Variants in SLMAP observed in about 807,000 individuals in gnomAD.
SLMAP encodes the protein sarcolemmal membrane-associated protein.
Under a neutral mutation model 128.8 loss-of-function variants are expected in SLMAP, and 44 were observed. The observed-to-expected ratio is 0.34, with a 90% CI of 0.27 to 0.44. SLMAP has a LOEUF of 0.44. SLMAP is among the 20% of genes least tolerant of loss of function. The pLI, the probability that SLMAP is intolerant of heterozygous loss-of-function variation, is 1.00. For missense variants in SLMAP, 787 were observed against 985.3 expected (o/e 0.80, Z 2.69); for synonymous variants, 327 against 348.8 (o/e 0.94, Z 0.70).
chr3:57,831,534 C>G lies in SLMAP; in HGVS notation c.346+4C>G, dbSNP rs201859602. ...GTGACAGAGAATACACGGAAAGGTA[C>G]GGGTATGGATCACTTTTTTTATTAC... On this transcript the variant is annotated splice_donor_region_variant and intron_variant, in intron 3 of 24. Coordinates refer to ENST00000671191, the MANE Select transcript of SLMAP (RefSeq NM_001377540.1). 2 of 1,502,688 alleles carry G rather than the reference C, an allele frequency of 1.3e-6. No homozygotes were observed. Among genetic ancestry groups the G allele is most frequent in the Non-Finnish European group, 1.8e-6 (2 of 1,120,972 alleles). The allele number at this position is 1,502,688 out of a possible 1,614,324, so 93.1% of individuals were successfully genotyped here.
intron 14 of SLMAP, among the ~76,000 whole-genome samples, chr3:57,877,214 T>C (rs1414920273): frequency 1.3e-5 from 2 of 152,330 alleles, no homozygotes; most frequent in Admixed American, 1.3e-4. Context: ...GGAAAAATTA[T>C]AGTCACTATC....
At chr3:57,804,530 G>A (rs2089374078) in intron 2 of SLMAP, among the ~76,000 whole-genome samples, 1 of 152,188 alleles carries the variant, frequency 6.6e-6, no homozygotes. Flanking sequence ...GGTCACTTGA[G>A]CCTAGGAGTT....
At chr3:57,758,604 A>G (rs1260443117) in intron 2 of SLMAP, among the ~76,000 whole-genome samples, 1 of 152,208 alleles carries the variant, frequency 6.6e-6, no homozygotes, top group Non-Finnish European at 1.5e-5. Context: ...ATTATACCCT[A>G]TTCTGTCAAT....
rs370947107 is a variant in SLMAP at position 57,921,620 on chromosome 3, C to T, written c.2311-1269C>T. Among the ~76,000 whole-genome samples the T allele has an allele frequency of 9.9e-5, 15 of 152,142 alleles. No homozygotes were observed. In the East Asian group the frequency reaches 1.5e-3, roughly 16 times the overall value. ...CAGCCTGGGTGACAGAGCTAGACTC[C>T]GTCTCAAAAAATAAACAAATAAAAT... On this transcript the variant is annotated intron_variant, in intron 22 of 24. Transcript: ENST00000671191.
At chr3:57,775,223 T>G (rs2081602051) in intron 2 of SLMAP, among the ~76,000 whole-genome samples, 1 of 151,818 alleles carries the variant, frequency 6.6e-6, no homozygotes. Context: ...CCGGCTAATT[T>G]TTTTGTATTT....
At chr3:57,883,937 C>CT (rs56691913) in intron 14 of SLMAP, among the ~76,000 whole-genome samples, 3,981 of 126,506 alleles carry the variant, frequency 0.031, 90 homozygotes, top group Admixed American at 0.046. Context: ...TCTTTTCTTT[C>CT]TTTTTTTTTT....
Position 57,816,127 on chromosome 3 carries a change from GTGTTTGTT to G in SLMAP, c.199-15230_199-15223del, listed in dbSNP as rs554703436. 3.1e-3 allele frequency among the ~76,000 whole-genome samples: 470 copies of G among 151,482 alleles called. 2 individuals carry two copies. Among genetic ancestry groups the G allele is most frequent in the African/African-American group, 6.3e-3 (259 of 41,096 alleles). On this transcript the variant is annotated intron_variant, in intron 2 of 24. Coordinates refer to ENST00000671191, the MANE Select transcript of SLMAP (RefSeq NM_001377540.1). ...GATACAGCTTGAATTTAAACCGTTT[GTGTTTGTT>G]TGTTTGTTTGTTTGTTTGTTTGTTT...
chr3:57,763,853 G>A (rs1353743222), intron 2 of SLMAP, among the ~76,000 whole-genome samples: 1 of 151,974 alleles, frequency 6.6e-6, no homozygotes, highest in Non-Finnish European at 1.5e-5. Flanking sequence ...TTTTTTGTGG[G>A]GATGAGGATG....
At chr3:57,832,993 C>CA in intron 3 of SLMAP, among the ~76,000 whole-genome samples, 1 of 152,324 alleles carries the variant, frequency 6.6e-6, no homozygotes, top group Middle Eastern at 3.4e-3. Context: ...ATCACACCTA[C>CA]AAGTCATTCA....
In SLMAP at chr3:57,890,211, C is replaced by G. The variant is rs186149554; in HGVS notation, c.1360+111C>G. 8 of 907,650 alleles carry G rather than the reference C, an allele frequency of 8.8e-6. No individual in the cohort carries two copies. In the East Asian group the frequency reaches 1.3e-4, roughly 15 times the overall value. 56.2% of individuals were successfully genotyped at this position (907,650 alleles called of 1,614,324 possible). A position where few individuals can be genotyped will look rare whatever the true frequency, so the allele number is the denominator to read the frequency against. On this transcript the variant is annotated intron_variant, in intron 15 of 24. Transcript: ENST00000671191. ...CCATCAGTTTACTTCTTATAGCTCA[C>G]AAAATAGCAAGCCAGTAACAGTATC... is the stretch of plus-strand genomic sequence containing the variant.
chr3:57,864,331 C>T (rs986209181), intron 10 of SLMAP, among the ~76,000 whole-genome samples: 8 of 151,622 alleles, frequency 5.3e-5, no homozygotes, highest in Admixed American at 1.3e-4. Context: ...CACTCGAACC[C>T]GGGAGGCGGA....
chr3:57,904,937 C>T (rs955938621), intron 17 of SLMAP, among the ~76,000 whole-genome samples: 15 of 152,234 alleles, frequency 9.9e-5, no homozygotes, highest in South Asian at 4.2e-4. Context: ...CATGGTGGCA[C>T]GTGCCTGCAG....
intron 22 of SLMAP, 34 bp downstream of exon 22, chr3:57,917,111 G>T (rs1415177677): frequency 1.2e-6 from 2 of 1,612,568 alleles, no homozygotes; most frequent in East Asian, 2.2e-5. Context: ...CCCAATTATG[G>T]TTGGACTTAA....
intron 2 of SLMAP, among the ~76,000 whole-genome samples, chr3:57,811,308 A>G (rs2090937457): frequency 6.6e-6 from 1 of 152,172 alleles, no homozygotes; most frequent in Non-Finnish European, 1.5e-5. Flanking sequence ...TGGACCCCTG[A>G]AACTACCTCA....
chr3:57,809,366 C>CA (rs1188844562), intron 2 of SLMAP, among the ~76,000 whole-genome samples: 1 of 152,216 alleles, frequency 6.6e-6, no homozygotes, highest in Non-Finnish European at 1.5e-5. Context: ...TAGGTGCTGT[C>CA]ACAGACCAGC....
intron 17 of SLMAP, chr3:57,901,934 G>A (rs2096392128): frequency 6.6e-6 from 1 of 152,226 alleles, no homozygotes. Flanking sequence ...TTGGGAGGCT[G>A]AGGCAGGAAA....
intron 13 of SLMAP, among the ~76,000 whole-genome samples, chr3:57,867,363 A>C (rs1009104228): frequency 6.6e-6 from 1 of 152,176 alleles, no homozygotes; most frequent in African/African-American, 2.4e-5. Flanking sequence ...ATTTTTTTCC[A>C]GTTCCAGTTG....
chr3:57,865,969 TATGTGCC>T (rs1424639589), intron 13 of SLMAP, among the ~76,000 whole-genome samples: 1 of 152,216 alleles, frequency 6.6e-6, no homozygotes, highest in Non-Finnish European at 1.5e-5. Flanking sequence ...GAGCACCAAC[TATGTGCC>T]AGACCCTGCG....
At chr3:57,813,095 C>CTTTTT (rs200561601) in intron 2 of SLMAP, among the ~76,000 whole-genome samples, 1 of 120,852 alleles carries the variant, frequency 8.3e-6, no homozygotes, top group Non-Finnish European at 1.8e-5. Flanking sequence ...CGTTTGGATG[C>CTTTTT]TTTTTTTTTT....
Sources: gnomAD v4.1 joint callset for allele counts (sites outside exome capture counted in the v4.1 genomes callset) on GRCh38, gnomAD v4.1.1 for gene constraint, MANE v1.5 for transcripts, NCBI Gene and HGNC (gene_info 2026-07-23, HGNC 2026-07-21) for gene names.